The following KIF6 variants were observed in gnomAD, a reference collection of about 807,000 sequenced individuals.
The protein encoded by KIF6 is kinesin-like protein KIF6.
Under a neutral mutation model 112.7 loss-of-function variants are expected in KIF6, and 106 were observed. The ratio of observed to expected loss-of-function variants is 0.94; its 90% confidence interval spans 0.80 to 1.11. The LOEUF (loss-of-function observed/expected upper bound fraction) is 1.11, where lower values mean the gene tolerates loss of function less well. KIF6 is among the 50% of genes least tolerant of loss of function. KIF6 has a pLI of 0.00. For missense variants in KIF6, 929 were observed against 964.0 expected (o/e 0.96, Z 0.48); for synonymous variants, 339 against 339.9 (o/e 1.00, Z 0.03).
chr6:39,519,999 G>T (rs1311749284), intron 13 of KIF6, among the ~76,000 whole-genome samples: 1 of 152,164 alleles, frequency 6.6e-6, no homozygotes, highest in Non-Finnish European at 1.5e-5. Context: ...TCCAGCCTGG[G>T]CAACAGAGTG....
At chr6:39,698,995 G>A (rs187945166) in intron 3 of KIF6, among the ~76,000 whole-genome samples, 18 of 152,250 alleles carry the variant, frequency 1.2e-4, no homozygotes, top group South Asian at 4.1e-4. Flanking sequence ...TTTGGCTTGC[G>A]TAGCAGCTGC....
At chr6:39,345,361 C>T (rs1352765451) in intron 21 of KIF6, among the ~76,000 whole-genome samples, 1 of 152,238 alleles carries the variant, frequency 6.6e-6, no homozygotes, top group East Asian at 1.9e-4. Context: ...GCTGGGTCTT[C>T]AGGCCAGGCT....
chr6:39,685,976 C>G (rs1457118394), intron 3 of KIF6, among the ~76,000 whole-genome samples: 2 of 152,164 alleles, frequency 1.3e-5, no homozygotes, highest in Non-Finnish European at 2.9e-5. Flanking sequence ...CATAAATCTA[C>G]TTTTGTTTTA....
At position 39,345,774 on chromosome 6, in the gene KIF6, C is replaced by T. The variant is rs748434321; in HGVS notation, c.2247G>A (p.Arg749=). The T allele has an allele frequency of 1.4e-5, 23 of 1,613,870 alleles. No homozygotes were observed. Among genetic ancestry groups the T allele is most frequent in the South Asian group, 4.4e-5 (4 of 90,976 alleles). Residue 749 remains arginine (R), a synonymous_variant, in exon 21 of 23, where the codon AGG becomes AGA. Transcript: ENST00000287152. The part of the protein sequence containing the change: ...GRFDVCDVNA[R]KILPSPCPSP... ...TGGGGCAAGGCGAGGGCAGGATTTTCCTGGCATTCACATCACTGCAAAACA... is the reference window on the plus strand; with the variant it reads ...TGGGGCAAGGCGAGGGCAGGATTTTTCTGGCATTCACATCACTGCAAAACA...
At chr6:39,466,914 G>A (rs1168186656) in intron 13 of KIF6, among the ~76,000 whole-genome samples, 1 of 152,196 alleles carries the variant, frequency 6.6e-6, no homozygotes, top group Non-Finnish European at 1.5e-5. Context: ...AGTAAGCTGA[G>A]AAGGCAAAAG....
chr6:39,598,208 T>C (rs551275875), intron 6 of KIF6, among the ~76,000 whole-genome samples: 45 of 151,516 alleles, frequency 3.0e-4, no homozygotes, highest in African/African-American at 1.1e-3. Flanking sequence ...AATAAATACA[T>C]AAATAAAATA....
chr6:39,579,351 G>A (rs1357832680), intron 9 of KIF6, among the ~76,000 whole-genome samples: 2 of 152,094 alleles, frequency 1.3e-5, no homozygotes, highest in African/African-American at 2.4e-5. Context: ...TTTTGCATAT[G>A]TATATTGGCA....
intron 15 of KIF6, among the ~76,000 whole-genome samples, chr6:39,416,100 C>G (rs533432265): frequency 6.6e-6 from 1 of 152,344 alleles, no homozygotes; most frequent in African/African-American, 2.4e-5. Flanking sequence ...CAAGAGGTGT[C>G]AGTCAAGCTC....
intron 3 of KIF6, among the ~76,000 whole-genome samples, chr6:39,661,747 C>T (rs568498362): frequency 2.6e-5 from 4 of 152,192 alleles, no homozygotes; most frequent in African/African-American, 9.6e-5. Flanking sequence ...AGGCCCTTTC[C>T]GTGAAAAGCC....
chr6:39,638,254 A>G (rs1022716812), intron 4 of KIF6, among the ~76,000 whole-genome samples: 3 of 152,178 alleles, frequency 2.0e-5, no homozygotes, highest in African/African-American at 7.2e-5. Context: ...TCAGCCCCTC[A>G]CAGCAATCCA....
intron 13 of KIF6, among the ~76,000 whole-genome samples, chr6:39,475,400 G>C (rs937404476): frequency 2.6e-5 from 4 of 152,310 alleles, no homozygotes; most frequent in African/African-American, 9.6e-5. Context: ...ACCAGTGATG[G>C]AAAGTTTGCA....
intron 18 of KIF6, 73 bp downstream of exon 18, chr6:39,360,322 T>C: frequency 6.4e-7 from 1 of 1,552,592 alleles, no homozygotes. Context: ...GCCCCCACTG[T>C]GTCTCTTGAC....
At chr6:39,553,364 A>T (rs1315450967) in intron 10 of KIF6, among the ~76,000 whole-genome samples, 1 of 152,246 alleles carries the variant, frequency 6.6e-6, no homozygotes, top group Non-Finnish European at 1.5e-5. Flanking sequence ...AAGCACAGTC[A>T]TGTAGTACCT....
chr6:39,486,891 A>C (rs1775145251), intron 13 of KIF6, among the ~76,000 whole-genome samples: 1 of 152,244 alleles, frequency 6.6e-6, no homozygotes, highest in South Asian at 2.1e-4. Flanking sequence ...ATAACCCAGA[A>C]TGAAAATCTA....
intron 15 of KIF6, among the ~76,000 whole-genome samples, chr6:39,404,064 G>GT (rs1438026923): frequency 6.6e-6 from 1 of 152,054 alleles, no homozygotes; most frequent in African/African-American, 2.4e-5. Flanking sequence ...TTTATATTCT[G>GT]TATAGAAGTC....
chr6:39,402,775 A>G (rs1394082192), intron 15 of KIF6, among the ~76,000 whole-genome samples: 1 of 152,164 alleles, frequency 6.6e-6, no homozygotes, highest in Non-Finnish European at 1.5e-5. Context: ...AGGTATCCTG[A>G]GGCTGGGGAC....
At chr6:39,511,250 A>C (rs187969148) in intron 13 of KIF6, among the ~76,000 whole-genome samples, 2 of 152,184 alleles carry the variant, frequency 1.3e-5, no homozygotes, top group Non-Finnish European at 2.9e-5. Flanking sequence ...AATTTACAAG[A>C]AAAAAACAAC....
chr6:39,699,557 G>C (rs1018065285), intron 3 of KIF6, among the ~76,000 whole-genome samples: 1 of 152,156 alleles, frequency 6.6e-6, no homozygotes, highest in Non-Finnish European at 1.5e-5. Flanking sequence ...CATGGAAGCT[G>C]GCCTTTTTGG....
At chr6:39,515,453 T>A (rs777739484) in intron 13 of KIF6, among the ~76,000 whole-genome samples, 9 of 152,230 alleles carry the variant, frequency 5.9e-5, no homozygotes, top group Non-Finnish European at 1.3e-4. Context: ...GTGGTCCAGA[T>A]GTATTCCTCC....
Sources: gnomAD v4.1 joint callset for allele counts (sites outside exome capture counted in the v4.1 genomes callset) on GRCh38, gnomAD v4.1.1 for gene constraint, MANE v1.5 for transcripts, NCBI Gene and HGNC (gene_info 2026-07-23, HGNC 2026-07-21) for gene names.